The following ADRM1 variants were observed in gnomAD, a reference collection of about 807,000 sequenced individuals.
ADRM1 encodes the protein proteasomal ubiquitin receptor ADRM1.
A neutral mutation model predicts 40.1 loss-of-function variants in ADRM1; 2 were observed. That is an observed-to-expected ratio of 0.05 (90% CI 0.02 to 0.16). The LOEUF is 0.16. Ranked by LOEUF, ADRM1 falls within the 10% of genes least tolerant of loss-of-function variation. ADRM1 has a pLI of 1.00. For missense variants in ADRM1, 467 were observed against 552.5 expected (o/e 0.85, Z 1.55); for synonymous variants, 287 against 240.4 (o/e 1.19, Z -1.79).
In ADRM1 at chr20:62,308,731, G is replaced by A; in HGVS notation, c.1194G>A (p.Lys398=). 1 of 1,613,060 alleles carries A rather than the reference G, an allele frequency of 6.2e-7. No homozygotes were observed. ...AAGAGGGCGACACGAAGGACAAGAA[G>A]GACGAAGAGGAGGACATGAGCCTGG... ...EQKEGDTKDK[K]DEEEDMSLD is the part of the protein sequence containing the mutation. Residue 398 remains lysine (K), a synonymous_variant, in exon 10 of 10, where the codon AAG becomes AAA. Transcript: ENST00000253003.
rs548253742 is a variant in ADRM1 at position 62,304,755 on chromosome 20, C to T, written c.330+178C>T. Among the ~76,000 whole-genome samples the T allele has an allele frequency of 1.6e-4, 25 of 152,392 alleles. No individual in the cohort carries two copies. In the South Asian group the frequency reaches 4.1e-3, roughly 25 times the overall value. The stretch of plus-strand genomic sequence containing the variant: ...ATGCTACCTGGGGCCGAGGTCCTCT[C>T]CCAGAGTACGGAGGCTCCAGGCTGG... On this transcript the variant is annotated intron_variant, in intron 3 of 9. Coordinates refer to ENST00000253003, the MANE Select transcript of ADRM1 (RefSeq NM_007002.4).
rs375978718 is a variant in ADRM1, at chr20:62,307,869, G to T, written c.856+41G>T. On this transcript the variant is annotated intron_variant, in intron 7 of 9. Transcript: ENST00000253003. ...GCCTGGAGCTGGGTGGGGGGCATGG[G>T]GCCTGCTGACCCTCGCACGCTCACC... 9.2e-5 allele frequency: 145 copies of T among 1,571,094 alleles called. No homozygotes were observed. In the African/African-American group the frequency reaches 9.3e-4, roughly 10 times the overall value.
chr20:62,307,281 G>A, intron 5 of ADRM1, 90 bp from the exon 6 acceptor site: 1 of 1,301,474 alleles, frequency 7.7e-7, no homozygotes, highest in Non-Finnish European at 1.0e-6. Context: ...TTGGTGTTGG[G>A]AATTCCTGCT....
At chr20:62,306,547 A>G (rs1022867923) in intron 4 of ADRM1, 101 bp from the exon 5 acceptor site, 1 of 1,348,630 alleles carries the variant, frequency 7.4e-7, no homozygotes. Flanking sequence ...TGTAGGGTTC[A>G]GGGGCAGCCG....
chr20:62,304,625 G>A (rs1420006368), intron 3 of ADRM1, 48 bp downstream of exon 3: 10 of 1,569,868 alleles, frequency 6.4e-6, no homozygotes, highest in African/African-American at 1.4e-5. Flanking sequence ...CCTGCGATTC[G>A]GTTAGGAACT....
chr20:62,308,799 T>C lies in ADRM1; in HGVS notation c.*38T>C. 2 of 1,608,356 alleles carry C rather than the reference T, an allele frequency of 1.2e-6. No homozygotes were observed. The highest frequency in any genetic ancestry group is 1.7e-6 in the Non-Finnish European group (2 of 1,177,824). On this transcript the variant is annotated 3_prime_UTR_variant, in exon 10 of 10. Transcript: ENST00000253003. ...CCTCCGAGGAACTGGGCGCTTGCAG[T>C]GCGTTGCACACCCTCACCTCCCACC...
At chr20:62,303,810 A>G in intron 2 of ADRM1, 29 bp downstream of exon 2, 1 of 1,598,588 alleles carries the variant, frequency 6.3e-7, no homozygotes, top group South Asian at 1.1e-5. Flanking sequence ...CAGCAGCAGG[A>G]CAGGCGACTT....
chr20:62,304,325 G>A lies in ADRM1; in HGVS notation c.214-136G>A, dbSNP rs879091899. The A allele has an allele frequency of 5.9e-6, 4 of 674,236 alleles. No homozygotes were observed. In the Admixed American group the frequency reaches 9.2e-5, roughly 16 times the overall value. 41.8% of individuals were successfully genotyped at this position (674,236 alleles called of 1,614,324 possible). A position where few individuals can be genotyped will look rare whatever the true frequency, so the allele number is the denominator to read the frequency against. On this transcript the variant is annotated intron_variant, in intron 2 of 9. Coordinates refer to ENST00000253003, the MANE Select transcript of ADRM1 (RefSeq NM_007002.4). ...GGCTTCTCTGCCTTGTGGAGACCCTGCCAGCGAGGGGTCTGGCGGCTTAGC... is the reference window on the plus strand; with the variant it reads ...GGCTTCTCTGCCTTGTGGAGACCCTACCAGCGAGGGGTCTGGCGGCTTAGC...
At chr20:62,306,879 G>A in intron 5 of ADRM1, 145 bp downstream of exon 5, 1 of 842,002 alleles carries the variant, frequency 1.2e-6, no homozygotes, top group South Asian at 1.8e-5. Flanking sequence ...CTTTGGGAAT[G>A]CGCTTGTTTG....
At chr20:62,308,585 G>C in intron 9 of ADRM1, 70 bp from the exon 10 acceptor site, 2 of 1,588,294 alleles carry the variant, frequency 1.3e-6, no homozygotes, top group Non-Finnish European at 1.7e-6. Context: ...TTCTGCCCTT[G>C]ATCCCATCGC....
chr20:62,308,303 T>G, intron 8 of ADRM1, 65 bp from the exon 9 acceptor site: 2 of 1,546,788 alleles, frequency 1.3e-6, no homozygotes, highest in Non-Finnish European at 1.7e-6. Flanking sequence ...AGCTGGCAGC[T>G]GAGCAGTGTG....
intron 1 of ADRM1, chr20:62,303,313 T>G (rs542384877): frequency 3.0e-6 from 1 of 335,316 alleles, no homozygotes; most frequent in Non-Finnish European, 5.4e-6. Flanking sequence ...TCGAGGCTGG[T>G]GCCCCGCGGA....
chr20:62,308,527 C>A, intron 9 of ADRM1, 57 bp downstream of exon 9: 1 of 1,561,076 alleles, frequency 6.4e-7, no homozygotes, highest in South Asian at 1.2e-5. Context: ...CCATTCCTGT[C>A]CCCCTGGATC....
chr20:62,304,673 C>A, intron 3 of ADRM1, 96 bp downstream of exon 3: 1 of 1,250,140 alleles, frequency 8.0e-7, no homozygotes, highest in Non-Finnish European at 1.2e-6. Context: ...TATAAACCAG[C>A]AGGCGCCGGC....
Position 62,306,637 on chromosome 20 carries a change from G to C in ADRM1, c.455-11G>C. On this transcript the variant is annotated splice_polypyrimidine_tract_variant and intron_variant, in intron 4 of 9. Transcript: ENST00000253003. ...CTGGGGCAGGCCCGCCTGAGCTGCA[G>C]TGTTTTCCAGGTGAGGGTGGCCTGC... The C allele has an allele frequency of 6.2e-7, 1 of 1,603,182 alleles. No homozygotes were observed. The highest frequency in any genetic ancestry group is 8.5e-7 in the Non-Finnish European group (1 of 1,175,202).
Position 62,306,829 on chromosome 20 carries a change from C to T in ADRM1, c.541+95C>T, listed in dbSNP as rs568535888. 99 of 1,227,064 alleles carry T rather than the reference C, an allele frequency of 8.1e-5. No homozygotes were observed. In the East Asian group the frequency reaches 1.3e-3, roughly 16 times the overall value. 76.0% of individuals were successfully genotyped at this position (1,227,064 alleles called of 1,614,324 possible). A position where few individuals can be genotyped will look rare whatever the true frequency, so the allele number is the denominator to read the frequency against. ...TTTAAACTTCTGCTGGCTCTGTCTG[C>T]GTAGTGTCGGGGAGCCTGTGTGTCC... is the stretch of plus-strand genomic sequence containing the variant. On this transcript the variant is annotated intron_variant, in intron 5 of 9. Coordinates refer to ENST00000253003, the MANE Select transcript of ADRM1 (RefSeq NM_007002.4).
rs765048639 is a variant in ADRM1 at position 62,307,880 on chromosome 20, C to G, written c.856+52C>G. The G allele has an allele frequency of 5.8e-6, 9 of 1,560,214 alleles. No individual in the cohort carries two copies. The African/African-American group carries it at 1.2e-4, about 21-fold the overall frequency. ...GGTGGGGGGCATGGGGCCTGCTGAC[C>G]CTCGCACGCTCACCTTCCAAGGCAT... On this transcript the variant is annotated intron_variant, in intron 7 of 9. Transcript: ENST00000253003.
rs964385379 is a variant in ADRM1 at position 62,304,144 on chromosome 20, T to G, written c.214-317T>G. 8.4e-6 allele frequency: 4 copies of G among 476,376 alleles called. No individual in the cohort carries two copies. In the East Asian group the frequency reaches 1.5e-4, roughly 18 times the overall value. The allele number at this position is 476,376 out of a possible 1,614,324, so 29.5% of individuals were successfully genotyped here. ...CTTCTTTGTTTTTCAAACTCTTAGTTGTTCTTTGTTACATTTGAGAGCAGT... is the reference window on the plus strand; with the variant it reads ...CTTCTTTGTTTTTCAAACTCTTAGTGGTTCTTTGTTACATTTGAGAGCAGT... On this transcript the variant is annotated intron_variant, in intron 2 of 9. Coordinates refer to ENST00000253003, the MANE Select transcript of ADRM1 (RefSeq NM_007002.4).
At chr20:62,303,439 C>T in intron 1 of ADRM1, 129 bp from the exon 2 acceptor site, 3 of 906,174 alleles carry the variant, frequency 3.3e-6, no homozygotes, top group East Asian at 5.0e-5. Flanking sequence ...GGCAGCCCGG[C>T]GTGTCTGAGT....
Sources: allele counts gnomAD v4.1 joint callset (sites outside exome capture counted in the v4.1 genomes callset), GRCh38; gene constraint gnomAD v4.1.1; transcripts MANE v1.5; gene names NCBI Gene and HGNC (gene_info 2026-07-23, HGNC 2026-07-21).